Variants in TAS1R1 observed in about 807,000 individuals in gnomAD.
TAS1R1 encodes taste 1 receptor member 1.
TAS1R1 carries 31 observed loss-of-function variants against 45.8 expected under a neutral mutation model. That is an observed-to-expected ratio of 0.68 (90% CI 0.51 to 0.91). The LOEUF (loss-of-function observed/expected upper bound fraction) is 0.91. Ranked by LOEUF, TAS1R1 falls within the 40% of genes least tolerant of loss-of-function variation. TAS1R1 has a pLI of 0.00. For missense variants in TAS1R1, 1,051 were observed against 1,063.9 expected (o/e 0.99, Z 0.17); for synonymous variants, 437 against 448.4 (o/e 0.97, Z 0.32).
intron 1 of TAS1R1, among the ~76,000 whole-genome samples, chr1:6,558,011 C>T (rs941322896): frequency 2.0e-5 from 3 of 151,106 alleles, no homozygotes; most frequent in East Asian, 3.9e-4. Context: ...ACTAATTAAA[C>T]AAGGTTAAGC....
At chr1:6,555,886 T>TTTTTTTTTTTTTG (rs1441795030) in intron 1 of TAS1R1, among the ~76,000 whole-genome samples, 2 of 130,864 alleles carry the variant, frequency 1.5e-5, no homozygotes, top group South Asian at 2.4e-4. Context: ...TTTTTTTTTT[T>TTTTTTTTTTTTTG]TTTGAGACGG....
At position 6,573,149 on chromosome 1, in the gene TAS1R1, C is replaced by T. The variant is rs1440172210; in HGVS notation, c.499-1482C>T. On this transcript the variant is annotated intron_variant, in intron 2 of 5. Transcript: ENST00000333172. ...TCATTCCTCACTGAAGTCAGAGATA[C>T]GCTCATGAAATGCAAGTCCCGGCCG... Among the ~76,000 whole-genome samples, 4 of 152,202 alleles carry T rather than the reference C, an allele frequency of 2.6e-5. 1 individual carries two copies. Among genetic ancestry groups the T allele is most frequent in the East Asian group, 3.9e-4 (2 of 5,192 alleles).
At position 6,574,693 on chromosome 1, in the gene TAS1R1, C is replaced by T. The variant is rs1640111250; in HGVS notation, c.561C>T (p.Arg187=). Residue 187 remains arginine (R), a synonymous_variant, in exon 3 of 6, where the codon CGC becomes CGT. Coordinates refer to ENST00000333172, the MANE Select transcript of TAS1R1 (RefSeq NM_138697.4). This position sits in a 1 kb window ranked among gnomAD's most constrained non-coding sequence, Gnocchi z 4.3. Reference sequence around the variant, plus strand: ...AGCGGCAGTATCCCTCTTTCCTGCGCACCATCCCCAATGACAAGTACCAGG... The same window carrying T: ...AGCGGCAGTATCCCTCTTTCCTGCGTACCATCCCCAATGACAAGTACCAGG... ...SVKRQYPSFL[R]TIPNDKYQVE... 1 of 1,614,096 alleles carries T rather than the reference C, an allele frequency of 6.2e-7. No individual in the cohort carries two copies.
intron 2 of TAS1R1, among the ~76,000 whole-genome samples, chr1:6,571,880 C>T (rs1311144568): frequency 6.6e-6 from 1 of 152,190 alleles, no homozygotes; most frequent in East Asian, 1.9e-4. Flanking sequence ...TGCTCCACAT[C>T]ATCCCAGTCT....
intron 1 of TAS1R1, among the ~76,000 whole-genome samples, chr1:6,558,680 C>G (rs1224249844): frequency 6.6e-6 from 1 of 151,712 alleles, no homozygotes; most frequent in Non-Finnish European, 1.5e-5. Context: ...AGATCGTGCA[C>G]TCCAGCCTGG....
In TAS1R1 at chr1:6,578,782, C is replaced by T. The variant is rs146448460; in HGVS notation, c.1724C>T (p.Thr575Met). The T allele has an allele frequency of 1.8e-5, 29 of 1,612,436 alleles. No homozygotes were observed. The highest frequency in any genetic ancestry group is 2.7e-5 in the African/African-American group (2 of 74,890). Residue 575 changes from threonine to methionine, a missense_variant, in exon 6 of 6, where the codon ACG becomes ATG. Coordinates refer to ENST00000333172, the MANE Select transcript of TAS1R1 (RefSeq NM_138697.4). ...HTSWVLLAAN[T>M]LLLLLLLGTA... ...TCTTGGGTGCTGCTGGCAGCTAACA[C>T]GCTGCTGCTGCTGCTGCTGCTTGGG... is the stretch of plus-strand genomic sequence containing the variant.
At position 6,576,408 on chromosome 1, in the gene TAS1R1, C is replaced by T. The variant is rs763116122; in HGVS notation, c.1261-7C>T. 6.2e-7 allele frequency: 1 copy of T among 1,614,168 alleles called. No homozygotes were observed. Among genetic ancestry groups the T allele is most frequent in the South Asian group, 1.1e-5 (1 of 91,088 alleles). On this transcript the variant is annotated splice_polypyrimidine_tract_variant and splice_region_variant and intron_variant, in intron 3 of 5. Transcript: ENST00000333172. ...TGTGGTGGCTTCATGATACGCGTTTCTTTCAGCTTTTGGAGCAGATCCACA... is the reference window on the plus strand; with the variant it reads ...TGTGGTGGCTTCATGATACGCGTTTTTTTCAGCTTTTGGAGCAGATCCACA...
intron 1 of TAS1R1, among the ~76,000 whole-genome samples, chr1:6,568,489 C>G (rs114414450): frequency 0.014 from 1,966 of 144,188 alleles, 43 homozygotes; most frequent in African/African-American, 0.047. Context: ...ACAATAGTTC[C>G]TTCTTGGGAG....
chr1:6,579,561 A>G lies in TAS1R1; in HGVS notation c.2503A>G (p.Thr835Ala), dbSNP rs773994914. Reference protein sequence around the residue: ...EHFQASIQDYTRRCGST With the variant: ...EHFQASIQDYARRCGST ...CTTCCAGGCCTCCATTCAGGACTAC[A>G]CGAGGCGCTGCGGCTCCACCTGACC... Residue 835 changes from threonine to alanine, a missense_variant, in exon 6 of 6, where the codon ACG becomes GCG. Thr to Ala is a moderately conservative substitution (Grantham distance 58). Transcript: ENST00000333172. 6.2e-7 allele frequency: 1 copy of G among 1,608,622 alleles called. No homozygotes were observed. Among genetic ancestry groups the G allele is most frequent in the South Asian group, 1.1e-5 (1 of 90,992 alleles).
rs1640103376 is a variant in TAS1R1, at chr1:6,574,494, G to A, written c.499-137G>A. On this transcript the variant is annotated intron_variant, in intron 2 of 5. Coordinates refer to ENST00000333172, the MANE Select transcript of TAS1R1 (RefSeq NM_138697.4). This position sits in a 1 kb window ranked among gnomAD's most constrained non-coding sequence, Gnocchi z 4.3. ...AACCTGCCCCAGTGGAGCCTTCGCA[G>A]GTGATTTGTCAGTTTCACAGGCTGA... is the stretch of plus-strand genomic sequence containing the variant. The A allele has an allele frequency of 4.4e-6, 5 of 1,133,712 alleles. No individual in the cohort carries two copies. The highest frequency in any genetic ancestry group is 3.3e-5 in the South Asian group (2 of 61,310). The allele number at this position is 1,133,712 out of a possible 1,614,324, so 70.2% of individuals were successfully genotyped here.
At chr1:6,559,791 GAC>G (rs1639749874) in intron 1 of TAS1R1, among the ~76,000 whole-genome samples, 1 of 151,962 alleles carries the variant, frequency 6.6e-6, no homozygotes, top group Non-Finnish European at 1.5e-5. Flanking sequence ...AGGAGTTCAA[GAC>G]CAGCCTGGTC....
At chr1:6,563,494 T>C (rs1485959104) in intron 1 of TAS1R1, among the ~76,000 whole-genome samples, 4 of 152,222 alleles carry the variant, frequency 2.6e-5, no homozygotes, top group African/African-American at 9.6e-5. Flanking sequence ...AATGACTGCA[T>C]GTCTAAAAGT....
In TAS1R1 at chr1:6,570,882, G is replaced by A. The variant is rs372186626; in HGVS notation, c.192-27G>A. On this transcript the variant is annotated intron_variant, in intron 1 of 5. Coordinates refer to ENST00000333172, the MANE Select transcript of TAS1R1 (RefSeq NM_138697.4). ...TCTCAGCAGGCCTTTGTCCTTCTCA[G>A]CTGTCTCTTACTGGCTTTCTCCACA... 8.3e-5 allele frequency: 131 copies of A among 1,569,100 alleles called. No individual in the cohort carries two copies. The African/African-American group carries it at 1.1e-3, about 13-fold the overall frequency.
intron 3 of TAS1R1, 40 bp from the exon 4 acceptor site, chr1:6,576,375 G>A (rs770351133): frequency 6.2e-7 from 1 of 1,605,696 alleles, no homozygotes. Context: ...ATGTGGGTCT[G>A]TGCTGTCTGT....
chr1:6,566,618 T>C (rs1437393999), intron 1 of TAS1R1, among the ~76,000 whole-genome samples: 1 of 151,998 alleles, frequency 6.6e-6, no homozygotes, highest in Non-Finnish European at 1.5e-5. Flanking sequence ...GGTCTTGAGA[T>C]GGAGTCTCGC....
At chr1:6,577,591 G>C (rs181726290) in intron 5 of TAS1R1, among the ~76,000 whole-genome samples, 1 of 151,570 alleles carries the variant, frequency 6.6e-6, no homozygotes, top group Non-Finnish European at 1.5e-5. Context: ...TTGGGAGGCC[G>C]AGGTGGGTGG....
intron 1 of TAS1R1, among the ~76,000 whole-genome samples, chr1:6,556,286 TC>T (rs1639682883): frequency 1.3e-5 from 2 of 152,278 alleles, no homozygotes; most frequent in South Asian, 4.1e-4. Flanking sequence ...GGAAGACACA[TC>T]CCATTAGATG....
intron 1 of TAS1R1, among the ~76,000 whole-genome samples, chr1:6,565,644 G>T (rs930417469): frequency 3.5e-4 from 53 of 152,104 alleles, no homozygotes; most frequent in African/African-American, 1.3e-3. Context: ...ACGGAGTCTC[G>T]CTCTGTTGCC....
At chr1:6,576,701 G>A (rs1640187302) in intron 4 of TAS1R1, 74 bp downstream of exon 4, 5 of 1,562,480 alleles carry the variant, frequency 3.2e-6, no homozygotes, top group Non-Finnish European at 4.4e-6. Context: ...TGCTGACACA[G>A]TGTACAGGGA....
Sources: allele counts gnomAD v4.1 joint callset (sites outside exome capture counted in the v4.1 genomes callset), GRCh38; gene constraint gnomAD v4.1.1; non-coding constraint Gnocchi (gnomAD v3.1); transcripts MANE v1.5; gene names NCBI Gene and HGNC (gene_info 2026-07-23, HGNC 2026-07-21).